Variants in MN1 observed in about 807,000 individuals in gnomAD.
MN1 encodes MN1 proto-oncogene, transcriptional regulator.
In MN1, 19 loss-of-function variants were observed where a neutral mutation model predicts 86.9. That is an observed-to-expected ratio of 0.22 (90% CI 0.15 to 0.32). The LOEUF is 0.32. Ranked by LOEUF, MN1 falls within the 10% of genes least tolerant of loss-of-function variation. The probability of loss-of-function intolerance (pLI) is 1.00; values close to 1 mark genes in which losing one functional copy is unlikely to be tolerated. For missense variants in MN1, 1,841 were observed against 1,862.0 expected, an observed-to-expected ratio of 0.99 and a Z score of 0.21; for synonymous variants, 928 against 849.6, an observed-to-expected ratio of 1.09 and a Z score of -1.60.
intron 1 of MN1, among the ~76,000 whole-genome samples, chr22:27,768,112 G>A (rs1317684149): frequency 1.3e-5 from 2 of 152,060 alleles, no homozygotes; most frequent in Non-Finnish European, 2.9e-5. Context: ...AGGGAAGAAG[G>A]GAGAGAAGGA....
rs1211027946 is a variant in MN1, at chr22:27,799,141, T to A, written c.1403A>T (p.Asp468Val). 6.2e-7 allele frequency: 1 copy of A among 1,605,860 alleles called. No homozygotes were observed. Among genetic ancestry groups the A allele is most frequent in the Non-Finnish European group, 8.5e-7 (1 of 1,174,278 alleles). The change falls in exon 1 of 2, where the codon GAC becomes GTC. Residue 468 changes from aspartate (D) to valine (V), a missense_variant. By Grantham distance (152) the Asp-to-Val change is radical (BLOSUM62 -3). Coordinates refer to ENST00000302326, the MANE Select transcript of MN1 (RefSeq NM_002430.3). ...GCTGCCGTTCCACGAAGCGCAGCGG[T>A]CCACTCCCGCGCTGCCCGGAAAGTC... ...RFDFPGSAGV[D>V]RCASWNGSMH... is the part of the protein sequence containing the mutation.
At chr22:27,791,099 G>A (rs901785161) in intron 1 of MN1, among the ~76,000 whole-genome samples, 2 of 152,104 alleles carry the variant, frequency 1.3e-5, no homozygotes, top group South Asian at 2.1e-4. Context: ...GTATATATGC[G>A]GATGCTGGGA....
At chr22:27,762,899 G>A (rs1270767774) in intron 1 of MN1, among the ~76,000 whole-genome samples, 6 of 152,042 alleles carry the variant, frequency 3.9e-5, no homozygotes, top group Admixed American at 3.9e-4. Context: ...AGGAGTTCAA[G>A]ACCATCCTAG....
intron 1 of MN1, among the ~76,000 whole-genome samples, chr22:27,776,578 G>A (rs572994771): frequency 1.3e-5 from 2 of 152,268 alleles, no homozygotes; most frequent in South Asian, 2.1e-4. Flanking sequence ...CGGTCACCTC[G>A]GCTTGGCTGT....
intron 1 of MN1, among the ~76,000 whole-genome samples, chr22:27,791,321 C>G (rs543161150): frequency 1.7e-4 from 26 of 152,256 alleles, no homozygotes; most frequent in Non-Finnish European, 2.9e-4. Flanking sequence ...CAATCACGCA[C>G]TCATGTATAC....
intron 1 of MN1, among the ~76,000 whole-genome samples, chr22:27,768,911 G>A (rs903133962): frequency 3.9e-4 from 59 of 152,246 alleles, no homozygotes; most frequent in African/African-American, 1.3e-3. Flanking sequence ...TACAGGACAG[G>A]GCCTATGGAG....
rs1374486593 is a variant in MN1, at chr22:27,796,926, C to T, written c.3618G>A (p.Ala1206=). The change falls in exon 1 of 2, where the codon GCG becomes GCA. Residue 1206 remains alanine (A), a synonymous_variant. Coordinates refer to ENST00000302326, the MANE Select transcript of MN1 (RefSeq NM_002430.3). ...CAATGGTGCTCATGGCGCTCTTGAC[C>T]GCCTCGGAGCAGCAGCTGCCCAGCT... is the stretch of plus-strand genomic sequence containing the variant. The part of the protein sequence containing the change: ...DSELGSCCSE[A]VKSAMSTIDL... The T allele has an allele frequency of 1.9e-6, 3 of 1,612,708 alleles. No individual in the cohort carries two copies. The highest frequency in any genetic ancestry group is 2.5e-6 in the Non-Finnish European group (3 of 1,179,896).
At chr22:27,774,465 G>A (rs947361739) in intron 1 of MN1, among the ~76,000 whole-genome samples, 3 of 152,184 alleles carry the variant, frequency 2.0e-5, no homozygotes, top group Non-Finnish European at 2.9e-5. Context: ...TCCACCCCAC[G>A]GGTCAGACTA....
rs1210529897 is a variant in MN1, at chr22:27,800,520, C to A, written c.24G>T (p.Glu8Asp). The change falls in exon 1 of 2, where the codon GAG (glutamate) becomes GAT (aspartate). Residue 8 changes from glutamate to aspartate, a missense_variant. Physicochemically the swap from Glu to Asp is conservative, Grantham distance 45 (BLOSUM62 2). Transcript: ENST00000302326. The stretch of plus-strand genomic sequence containing the variant: ...CAGCGTTCCTGCTGTTGACCTGGGG[C>A]TCGAATTGGTCCAGCCCAAACATAC... MFGLDQF[E>D]PQVNSRNAGQ... 2 of 1,614,168 alleles carry A rather than the reference C, an allele frequency of 1.2e-6. No individual in the cohort carries two copies. The highest frequency in any genetic ancestry group is 1.1e-5 in the South Asian group (1 of 91,084).
chr22:27,755,054 CTG>C, intron 1 of MN1, among the ~76,000 whole-genome samples: 1 of 152,328 alleles, frequency 6.6e-6, no homozygotes, highest in Middle Eastern at 3.4e-3. Context: ...GACGAGAAGA[CTG>C]AGGCTCTAAG....
rs368803143 is a variant in MN1, at chr22:27,757,813, T to C, written c.3782-6717A>G. 1.2e-4 allele frequency among the ~76,000 whole-genome samples: 19 copies of C among 152,086 alleles called. No homozygotes were observed. In the South Asian group the frequency reaches 3.7e-3, roughly 30 times the overall value. ...ACACTTATCTGTGACCCCCAGACCT[T>C]GGTAGCTTTTCTGTTCCTCACCTCC... On this transcript the variant is annotated intron_variant, in intron 1 of 1. Coordinates refer to ENST00000302326, the MANE Select transcript of MN1 (RefSeq NM_002430.3).
chr22:27,772,931 T>C (rs746252264), intron 1 of MN1, among the ~76,000 whole-genome samples: 7 of 151,490 alleles, frequency 4.6e-5, no homozygotes, highest in Non-Finnish European at 8.8e-5. Flanking sequence ...GCCTAGTGCC[T>C]GCACTAGGCC....
intron 1 of MN1, among the ~76,000 whole-genome samples, chr22:27,788,649 C>G (rs1933170127): frequency 6.6e-6 from 1 of 151,252 alleles, no homozygotes; most frequent in Non-Finnish European, 1.5e-5. Flanking sequence ...TCTCATCCTT[C>G]CCTGAATGAC....
At position 27,749,878 on chromosome 22, in the gene MN1, C is replaced by G. The variant is rs1932746521; in HGVS notation, c.*1037G>C. The G allele has an allele frequency of 4.3e-6, 1 of 230,310 alleles. No homozygotes were observed. Among genetic ancestry groups the G allele is most frequent in the Non-Finnish European group, 8.6e-6 (1 of 116,318 alleles). The allele number at this position is 230,310 out of a possible 1,614,324, so 14.3% of individuals were successfully genotyped here. The stretch of plus-strand genomic sequence containing the variant: ...GTGGAGGAGATACACGCAGTCCCCT[C>G]CTTCTTCCCTGGGATGCCCGGCCAG... On this transcript the variant is annotated 3_prime_UTR_variant, in exon 2 of 2. Transcript: ENST00000302326.
intron 1 of MN1, among the ~76,000 whole-genome samples, chr22:27,769,720 T>A (rs190214539): frequency 5.3e-5 from 8 of 151,406 alleles, no homozygotes; most frequent in Admixed American, 2.0e-4. Context: ...CCTGTTAATT[T>A]TTTTTTGGTA....
At position 27,801,478 on chromosome 22, in the gene MN1, T is replaced by G. The variant is rs938263770; in HGVS notation, c.-935A>C. Reference sequence around the variant, plus strand: ...ACGAGGGGTTGGGTCGCTCCAAGGCTCCGGTTCCCTGCCTCCGCGCTGAGG... The same window carrying G: ...ACGAGGGGTTGGGTCGCTCCAAGGCGCCGGTTCCCTGCCTCCGCGCTGAGG... On this transcript the variant is annotated 5_prime_UTR_variant, in exon 1 of 2. Coordinates refer to ENST00000302326, the MANE Select transcript of MN1 (RefSeq NM_002430.3). 1 of 197,048 alleles carries G rather than the reference T, an allele frequency of 5.1e-6. No homozygotes were observed. The highest frequency in any genetic ancestry group is 1.1e-5 in the Non-Finnish European group (1 of 94,892). 12.2% of individuals were successfully genotyped at this position (197,048 alleles called of 1,614,324 possible).
intron 1 of MN1, among the ~76,000 whole-genome samples, chr22:27,784,066 G>A (rs1601336178): frequency 6.6e-6 from 1 of 152,334 alleles, no homozygotes; most frequent in African/African-American, 2.4e-5. Flanking sequence ...GCCGGCCCCT[G>A]AGAACTGCCC....
chr22:27,777,757 T>C (rs765460644), intron 1 of MN1, among the ~76,000 whole-genome samples: 32 of 151,468 alleles, frequency 2.1e-4, no homozygotes, highest in Non-Finnish European at 3.7e-4. Context: ...ATGCCTGTAA[T>C]GCTAGCTACC....
chr22:27,797,135 T>C lies in MN1; in HGVS notation c.3409A>G (p.Thr1137Ala), dbSNP rs1933311890. Residue 1137 changes from threonine to alanine, a missense_variant, in exon 1 of 2, where the codon ACC (threonine) becomes GCC (alanine). Physicochemically the swap from Thr to Ala is moderately conservative, Grantham distance 58. Transcript: ENST00000302326. ...PGTPGLEQVR[T>A]PTSSSGAPPP... ...GGGGCGCCGCTGCTGCTCGTCGGGG[T>C]GCGGACCTGCTCCAGGCCCGGAGTG... is the stretch of plus-strand genomic sequence containing the variant. 1.3e-6 allele frequency: 2 copies of C among 1,576,106 alleles called. No individual in the cohort carries two copies. Among genetic ancestry groups the C allele is most frequent in the Non-Finnish European group, 8.6e-7 (1 of 1,163,238 alleles).
Sources: allele counts gnomAD v4.1 joint callset (sites outside exome capture counted in the v4.1 genomes callset), GRCh38; gene constraint gnomAD v4.1.1; transcripts MANE v1.5; gene names NCBI Gene and HGNC (gene_info 2026-07-23, HGNC 2026-07-21).